MICAL3: variants seen among roughly 807,000 people sequenced by gnomAD.
MICAL3 encodes the protein microtubule associated monooxygenase, calponin and LIM domain containing 3.
Under a neutral mutation model 207.4 loss-of-function variants are expected in MICAL3, and 62 were observed. That is an observed-to-expected ratio of 0.30 (90% CI 0.24 to 0.37). The LOEUF is 0.37. Among genes scored for constraint, MICAL3 ranks in the 10% least tolerant of loss-of-function variants. The pLI is 1.00. For synonymous variants in MICAL3, 1,077 were observed against 1,069.3 expected, an observed-to-expected ratio of 1.01 and a Z score of -0.14; for missense variants, 2,368 against 2,635.6, an observed-to-expected ratio of 0.90 and a Z score of 2.22.
chr22:17,921,114 T>C (rs1033507044), intron 1 of MICAL3, among the ~76,000 whole-genome samples: 5 of 152,188 alleles, frequency 3.3e-5, no homozygotes, highest in African/African-American at 1.2e-4. Flanking sequence ...TGACAGCTTA[T>C]CTTCACAGGT....
At chr22:17,873,030 A>G (rs1927885711) in intron 16 of MICAL3, among the ~76,000 whole-genome samples, 1 of 152,234 alleles carries the variant, frequency 6.6e-6, no homozygotes, top group Non-Finnish European at 1.5e-5. Context: ...CGGGTGGAAG[A>G]AAAACATCGC....
intron 16 of MICAL3, among the ~76,000 whole-genome samples, chr22:17,880,930 C>G (rs931124654): frequency 6.6e-6 from 1 of 152,136 alleles, no homozygotes; most frequent in Non-Finnish European, 1.5e-5. Flanking sequence ...CTCGGATGCA[C>G]GACAAACATC....
At chr22:18,000,798 C>T (rs534809444) in intron 1 of MICAL3, among the ~76,000 whole-genome samples, 43 of 152,326 alleles carry the variant, frequency 2.8e-4, no homozygotes, top group African/African-American at 9.9e-4. Context: ...TCTCGGCCAC[C>T]TACCTGCCAG....
intron 10 of MICAL3, 91 bp downstream of exon 10, chr22:17,895,192 TG>T: frequency 7.7e-7 from 1 of 1,290,572 alleles, no homozygotes; most frequent in Non-Finnish European, 1.1e-6. Context: ...CTTGTATGTG[TG>T]GTATTAATAG....
chr22:17,871,527 T>C (rs758554518), intron 17 of MICAL3, among the ~76,000 whole-genome samples: 16 of 152,174 alleles, frequency 1.1e-4, no homozygotes, highest in Non-Finnish European at 1.8e-4. Flanking sequence ...AAAACCTTAT[T>C]TTTATTGTGT....
intron 1 of MICAL3, among the ~76,000 whole-genome samples, chr22:17,936,512 C>G (rs939573817): frequency 6.6e-6 from 1 of 150,476 alleles, no homozygotes; most frequent in Admixed American, 6.6e-5. Context: ...CAACATGGCA[C>G]GTGTATACCT....
intron 1 of MICAL3, among the ~76,000 whole-genome samples, chr22:17,960,234 G>A (rs978166140): frequency 4.0e-5 from 6 of 151,344 alleles, no homozygotes; most frequent in South Asian, 2.1e-4. Flanking sequence ...CTGTTGCTAC[G>A]GGCTCCGTGC....
intron 1 of MICAL3, among the ~76,000 whole-genome samples, chr22:17,991,035 T>C (rs551400787): frequency 5.2e-4 from 79 of 152,144 alleles, no homozygotes; most frequent in African/African-American, 1.8e-3. Context: ...CGGAGCTGAG[T>C]GGGGCAGCGC....
intron 10 of MICAL3, among the ~76,000 whole-genome samples, chr22:17,894,167 T>G (rs1019563790): frequency 6.6e-6 from 1 of 151,940 alleles, no homozygotes; most frequent in African/African-American, 2.4e-5. Context: ...ATCCCTATAG[T>G]TGGGGAGGCC....
intron 1 of MICAL3, among the ~76,000 whole-genome samples, chr22:17,948,607 C>T (rs1168610934): frequency 1.3e-5 from 2 of 152,170 alleles, no homozygotes; most frequent in East Asian, 3.8e-4. Context: ...AGAAAGTTGT[C>T]TATTTTGTCC....
chr22:17,790,611 G>C lies in MICAL3; in HGVS notation c.*121C>G, dbSNP rs764350154. On this transcript the variant is annotated 3_prime_UTR_variant, in exon 32 of 32. Coordinates refer to ENST00000441493, the MANE Select transcript of MICAL3 (RefSeq NM_015241.3). ...CTCGACCACTTTCCAAGCAGCACAC[G>C]GGCATCTGAGCGTAAACTCCAAGGA... is the stretch of plus-strand genomic sequence containing the variant. 4 of 875,538 alleles carry C rather than the reference G, an allele frequency of 4.6e-6. No individual in the cohort carries two copies. Among genetic ancestry groups the C allele is most frequent in the Non-Finnish European group, 6.9e-6 (4 of 582,722 alleles). The allele number at this position is 875,538 out of a possible 1,614,324, so 54.2% of individuals were successfully genotyped here.
chr22:17,882,066 G>C (rs2146210184), intron 16 of MICAL3, among the ~76,000 whole-genome samples: 1 of 152,326 alleles, frequency 6.6e-6, no homozygotes, highest in Admixed American at 6.5e-5. Context: ...CGGGGAGCAG[G>C]GAAGCCACGA....
rs912735882 is a variant in MICAL3 at position 17,793,100 on chromosome 22, C to T, written c.5651-1799G>A. On this transcript the variant is annotated intron_variant, in intron 29 of 31. Coordinates refer to ENST00000441493, the MANE Select transcript of MICAL3 (RefSeq NM_015241.3). The surrounding 1 kb of genome is among the most constrained non-coding windows in gnomAD (Gnocchi z 4.1). ...TCACTAGCTATGGAGAGCTCGCCCA[C>T]GGCCGCCAGGCAGGGGCTGTGGTGT... 6.6e-6 allele frequency among the ~76,000 whole-genome samples: 1 copy of T among 152,196 alleles called. No homozygotes were observed. The highest frequency in any genetic ancestry group is 1.5e-5 in the Non-Finnish European group (1 of 68,026).
chr22:17,817,723 C>A lies in MICAL3; in HGVS notation c.4938G>T (p.Arg1646=), dbSNP rs574754671. The A allele has an allele frequency of 2.5e-6, 4 of 1,591,442 alleles. No homozygotes were observed. In the Admixed American group the frequency reaches 5.2e-5, roughly 21 times the overall value. The change falls in exon 26 of 32, where the codon CGG becomes CGT. Residue 1646 remains arginine (R), a synonymous_variant. Transcript: ENST00000441493. ...GAGTGGGGCGTGTGGGGGAGTCAGG[C>A]CGGCGCTCCTTGCCCTGGGAGGGTG... ...SSAPSQGKER[R]PDSPTRPTLR... is the part of the protein sequence containing the mutation.
chr22:17,862,547 ATCGTGCCTGGCCACAC>A, intron 19 of MICAL3: 1 of 980,508 alleles, frequency 1.0e-6, no homozygotes, highest in African/African-American at 1.8e-5. Context: ...GGCATGAGCC[ATCGTGCCTGGCCACAC>A]CTGAGCTTTT....
chr22:17,964,116 C>T (rs966017070), intron 1 of MICAL3, among the ~76,000 whole-genome samples: 4 of 152,170 alleles, frequency 2.6e-5, no homozygotes, highest in Admixed American at 1.3e-4. Context: ...CAGGACATTA[C>T]AAACAAAGGA....
intron 16 of MICAL3, among the ~76,000 whole-genome samples, chr22:17,877,312 TTA>T (rs1928776340): frequency 2.5e-5 from 3 of 119,986 alleles, no homozygotes; most frequent in Admixed American, 7.9e-5. Flanking sequence ...GTTATGGAGG[TTA>T]GGGAGGTTAG....
At chr22:17,978,847 G>C (rs1199788727) in intron 1 of MICAL3, among the ~76,000 whole-genome samples, 1 of 149,514 alleles carries the variant, frequency 6.7e-6, no homozygotes, top group East Asian at 2.0e-4. Context: ...TGAATGAATG[G>C]TATGTGAATT....
intron 1 of MICAL3, among the ~76,000 whole-genome samples, chr22:17,942,202 G>C (rs771116857): frequency 6.6e-6 from 1 of 152,182 alleles, no homozygotes; most frequent in Non-Finnish European, 1.5e-5. Flanking sequence ...ATGCTTGCAG[G>C]GAGGCACAGA....
Sources: allele counts gnomAD v4.1 joint callset (sites outside exome capture counted in the v4.1 genomes callset), GRCh38; gene constraint gnomAD v4.1.1; non-coding constraint Gnocchi (gnomAD v3.1); transcripts MANE v1.5; gene names NCBI Gene and HGNC (gene_info 2026-07-23, HGNC 2026-07-21).